SPIRE2: variants seen among roughly 807,000 people sequenced by gnomAD.
SPIRE2 encodes the protein protein spire homolog 2.
In SPIRE2, 76 loss-of-function variants were observed where a neutral mutation model predicts 80.7. The observed-to-expected ratio is 0.94, with a 90% CI of 0.78 to 1.14. The LOEUF is 1.14. Ranked by LOEUF, SPIRE2 falls within the 50% of genes most tolerant of loss-of-function variation. The pLI is 0.00. For missense variants in SPIRE2, 1,196 were observed against 1,015.3 expected (o/e 1.18, Z -2.42); for synonymous variants, 535 against 432.6 (o/e 1.24, Z -2.94).
At chr16:89,848,121 T>A (rs2041581379) in intron 2 of SPIRE2, among the ~76,000 whole-genome samples, 1 of 152,214 alleles carries the variant, frequency 6.6e-6, no homozygotes, top group Non-Finnish European at 1.5e-5. Context: ...TCTGGGAATT[T>A]GTGTGAACAG....
At chr16:89,860,826 G>T (rs1362993680) in intron 10 of SPIRE2, 31 bp downstream of exon 10, 2 of 1,363,196 alleles carry the variant, frequency 1.5e-6, no homozygotes, top group Non-Finnish European at 9.7e-7. Context: ...CGTCCAGGGC[G>T]GCCCAGGGGG....
At chr16:89,829,720 C>G (rs544726620) in intron 1 of SPIRE2, among the ~76,000 whole-genome samples, 19 of 139,712 alleles carry the variant, frequency 1.4e-4, no homozygotes, top group East Asian at 7.7e-4. Flanking sequence ...GGAGCCCCCC[C>G]CTCAGCTGCC....
Position 89,828,824 on chromosome 16 carries a change from G to A in SPIRE2, c.244+30G>A, listed in dbSNP as rs1363773141. 3.4e-6 allele frequency: 4 copies of A among 1,173,718 alleles called. No homozygotes were observed. Among genetic ancestry groups the A allele is most frequent in the Non-Finnish European group, 4.2e-6 (4 of 950,322 alleles). 72.7% of individuals were successfully genotyped at this position (1,173,718 alleles called of 1,614,324 possible). ...GGCCGGGGGCGGGGCAGCCGGCGGG[G>A]ACCGCGGTCTGGGGCGTCCGTCCCG... On this transcript the variant is annotated intron_variant, in intron 1 of 14. Transcript: ENST00000378247. This position sits in a 1 kb window ranked among gnomAD's most constrained non-coding sequence, Gnocchi z 5.9.
Position 89,828,756 on chromosome 16 carries a change from G to A in SPIRE2, c.206G>A (p.Gly69Glu). ...LRDTGDLLLR[G>E]DGSVGAREPE... The stretch of plus-strand genomic sequence containing the variant: ...GATACCGGGGACCTCCTGCTGCGCG[G>A]GGACGGCTCGGTCGGGGCGCGGGAG... Residue 69 changes from glycine to glutamate, a missense_variant, in exon 1 of 15, where the codon GGG (glycine) becomes GAG (glutamate). Transcript: ENST00000378247. The surrounding 1 kb of genome is among the most constrained non-coding windows in gnomAD (Gnocchi z 5.9). 1 of 1,199,060 alleles carries A rather than the reference G, an allele frequency of 8.3e-7. No individual in the cohort carries two copies. The highest frequency in any genetic ancestry group is 1.0e-6 in the Non-Finnish European group (1 of 966,934). 74.3% of individuals were successfully genotyped at this position (1,199,060 alleles called of 1,614,324 possible). A position where few individuals can be genotyped will look rare whatever the true frequency, so the allele number is the denominator to read the frequency against.
rs1277858465 is a variant in SPIRE2, at chr16:89,870,603, C to G, written c.*331C>G. 1 of 216,834 alleles carries G rather than the reference C, an allele frequency of 4.6e-6. No individual in the cohort carries two copies. The highest frequency in any genetic ancestry group is 1.0e-4 in the East Asian group (1 of 9,652). The allele number at this position is 216,834 out of a possible 1,614,324, so 13.4% of individuals were successfully genotyped here. ...CATCCCATGTTCCCATGCTCTTCTCCGTCCCCAGGAATGCGAACGGCAGTT... is the reference window on the plus strand; with the variant it reads ...CATCCCATGTTCCCATGCTCTTCTCGGTCCCCAGGAATGCGAACGGCAGTT... On this transcript the variant is annotated 3_prime_UTR_variant, in exon 15 of 15. Coordinates refer to ENST00000378247, the MANE Select transcript of SPIRE2 (RefSeq NM_032451.2).
intron 2 of SPIRE2, 66 bp from the exon 3 acceptor site, chr16:89,850,238 C>A: frequency 7.0e-7 from 1 of 1,419,100 alleles, no homozygotes; most frequent in Non-Finnish European, 9.7e-7. Flanking sequence ...TCTGCACCCA[C>A]CAGCCGCGTT....
chr16:89,851,950 C>T (rs894029271), intron 3 of SPIRE2, among the ~76,000 whole-genome samples: 8 of 151,890 alleles, frequency 5.3e-5, no homozygotes, highest in Non-Finnish European at 8.8e-5. Flanking sequence ...GTTTTGACGC[C>T]GGGTGGCAGC....
In SPIRE2 at chr16:89,850,684, G is replaced by A. The variant is rs756709612; in HGVS notation, c.645+24G>A. On this transcript the variant is annotated intron_variant, in intron 3 of 14. Coordinates refer to ENST00000378247, the MANE Select transcript of SPIRE2 (RefSeq NM_032451.2). ...AGGTGAGCGGTGGGTGGGGGCGACC[G>A]TGGAGGGTCCGGGAGGCCAGGGAGG... 9.3e-5 allele frequency: 133 copies of A among 1,431,950 alleles called. 1 individual carries two copies. The East Asian group carries it at 1.1e-3, about 11-fold the overall frequency. The allele number at this position is 1,431,950 out of a possible 1,614,324, so 88.7% of individuals were successfully genotyped here.
intron 12 of SPIRE2, among the ~76,000 whole-genome samples, chr16:89,865,679 G>A (rs2041782735): frequency 6.6e-6 from 1 of 152,052 alleles, no homozygotes; most frequent in South Asian, 2.1e-4. Context: ...GAATAAAAAA[G>A]TAAGGCTGGG....
chr16:89,855,564 C>A, intron 5 of SPIRE2, 36 bp from the exon 6 acceptor site: 1 of 1,586,094 alleles, frequency 6.3e-7, no homozygotes, highest in Non-Finnish European at 8.6e-7. Flanking sequence ...AGTGGATGGT[C>A]CCTGCAGGGC....
intron 1 of SPIRE2, among the ~76,000 whole-genome samples, chr16:89,836,670 C>A (rs2041452762): frequency 6.6e-6 from 1 of 151,976 alleles, no homozygotes; most frequent in Non-Finnish European, 1.5e-5. Context: ...GGTCTCACCG[C>A]CCTGGAGAGC....
intron 9 of SPIRE2, 35 bp downstream of exon 9, chr16:89,859,389 G>GC: frequency 4.5e-6 from 6 of 1,338,866 alleles, no homozygotes; most frequent in Non-Finnish European, 5.9e-6. Context: ...ACCCTCCTTC[G>GC]CCCCCACCCC....
At chr16:89,858,788 C>T (rs1164916637) in intron 8 of SPIRE2, among the ~76,000 whole-genome samples, 1 of 152,204 alleles carries the variant, frequency 6.6e-6, no homozygotes, top group Non-Finnish European at 1.5e-5. Context: ...TCCCAGGCCC[C>T]GGAAACTGAG....
At chr16:89,832,609 G>A (rs2041396631) in intron 1 of SPIRE2, among the ~76,000 whole-genome samples, 1 of 152,044 alleles carries the variant, frequency 6.6e-6, no homozygotes, top group Admixed American at 6.6e-5. Context: ...AGCATCACCT[G>A]CCCTCACTGT....
rs761941134 is a variant in SPIRE2 at position 89,850,565 on chromosome 16, G to C, written c.550G>C (p.Gly184Arg). Residue 184 changes from glycine (G) to arginine (R), a missense_variant, in exon 3 of 15, where the codon GGC becomes CGC. By Grantham distance (125) the Gly-to-Arg change is moderately radical. Coordinates refer to ENST00000378247, the MANE Select transcript of SPIRE2 (RefSeq NM_032451.2). ...CGCGGCGCGGCTGACCGACCCCCGG[G>C]GCGCACAGGCGCATTACCAGGCCGT... ...LCAARLTDPR[G>R]AQAHYQAVCR... 4 of 1,513,052 alleles carry C rather than the reference G, an allele frequency of 2.6e-6. No homozygotes were observed. 93.7% of individuals were successfully genotyped at this position (1,513,052 alleles called of 1,614,324 possible).
chr16:89,858,590 G>C, intron 8 of SPIRE2, 83 bp downstream of exon 8: 2 of 1,344,284 alleles, frequency 1.5e-6, no homozygotes, highest in Non-Finnish European at 2.0e-6. Context: ...AAGCTAAGCC[G>C]GGGGCAGCAG....
intron 5 of SPIRE2, among the ~76,000 whole-genome samples, chr16:89,855,296 G>T (rs2041679510): frequency 6.6e-6 from 1 of 152,174 alleles, no homozygotes; most frequent in Non-Finnish European, 1.5e-5. Context: ...GCGCCGGCAT[G>T]GTTCTTATGA....
At position 89,842,838 on chromosome 16, in the gene SPIRE2, C is replaced by A. The variant is rs1050563395; in HGVS notation, c.245-2484C>A. On this transcript the variant is annotated intron_variant, in intron 1 of 14. Coordinates refer to ENST00000378247, the MANE Select transcript of SPIRE2 (RefSeq NM_032451.2). ...AGGCCCTGGGGACCCACACCCCCACCGTGGGCCACACATTGTTCTATGAAC... is the reference window on the plus strand; with the variant it reads ...AGGCCCTGGGGACCCACACCCCCACAGTGGGCCACACATTGTTCTATGAAC... 2.0e-5 allele frequency among the ~76,000 whole-genome samples: 3 copies of A among 152,240 alleles called. No individual in the cohort carries two copies. The South Asian group carries it at 6.2e-4, about 32-fold the overall frequency.
At chr16:89,868,248 G>A (rs903162038) in intron 13 of SPIRE2, 32 bp downstream of exon 13, 4 of 1,612,824 alleles carry the variant, frequency 2.5e-6, no homozygotes, top group Non-Finnish European at 3.4e-6. Flanking sequence ...TGGGGTCTGA[G>A]CAAGGCAGAT....
Sources: gnomAD v4.1 joint callset for allele counts (sites outside exome capture counted in the v4.1 genomes callset) on GRCh38, gnomAD v4.1.1 for gene constraint, Gnocchi (gnomAD v3.1) non-coding constraint, MANE v1.5 for transcripts, NCBI Gene and HGNC (gene_info 2026-07-23, HGNC 2026-07-21) for gene names.